Variants in HHLA2 observed in about 807,000 individuals in gnomAD.
HHLA2 encodes the protein HERV-H LTR-associating protein 2.
HHLA2 carries 48 observed loss-of-function variants against 45.9 expected under a neutral mutation model. The observed-to-expected ratio is 1.05, with a 90% CI of 0.83 to 1.33. The LOEUF (loss-of-function observed/expected upper bound fraction) is 1.33. HHLA2 is among the 40% of genes most tolerant of loss of function. HHLA2 has a pLI of 0.00. For synonymous variants in HHLA2, 161 were observed against 173.9 expected (o/e 0.93, Z 0.59); for missense variants, 462 against 494.3 (o/e 0.93, Z 0.62).
intron 1 of HHLA2, among the ~76,000 whole-genome samples, chr3:108,310,218 AAATT>A (rs1391544376): frequency 1.3e-5 from 2 of 152,182 alleles, no homozygotes; most frequent in African/African-American, 4.8e-5. Flanking sequence ...AAATTAGGCT[AAATT>A]AATAAAAGAT....
intron 2 of HHLA2, chr3:108,311,942 T>A (rs2081025452): frequency 6.6e-6 from 1 of 152,282 alleles, no homozygotes; most frequent in African/African-American, 2.4e-5. Flanking sequence ...TTCCTCACTC[T>A]GCTATGTGCC....
rs148660408 is a variant in HHLA2, at chr3:108,349,220, A to AG, written c.-26-2568_-26-2567insG. Among the ~76,000 whole-genome samples, 314 of 151,712 alleles carry AG rather than the reference A, an allele frequency of 2.1e-3. 1 individual carries two copies. Among genetic ancestry groups the AG allele is most frequent in the Non-Finnish European group, 3.8e-3 (255 of 67,900 alleles). ...CAAGAGCTGTTTTTTTTAAAAAAAA[A>AG]AATCAACAAAATAGATAGACCACTA... On this transcript the variant is annotated intron_variant, in intron 3 of 10. Transcript: ENST00000619531.
At chr3:108,362,346 G>A (rs267599526) in exon 8 of HHLA2, 1,706 of 1,602,294 alleles carry the variant, frequency 1.1e-3, no homozygotes, top group South Asian at 1.4e-3. Context: ...TTTTAGAACC[G>A]AGCCAAGAAA....
intron 1 of HHLA2, among the ~76,000 whole-genome samples, chr3:108,304,510 T>G (rs1228826539): frequency 2.0e-5 from 3 of 152,174 alleles, no homozygotes; most frequent in Non-Finnish European, 4.4e-5. Flanking sequence ...CACAGCCTAA[T>G]CCAGTATGAT....
chr3:108,355,155 A>C (rs2081861933), exon 6 of HHLA2: 1 of 1,613,454 alleles, frequency 6.2e-7, no homozygotes, highest in Non-Finnish European at 8.5e-7. Context: ...AGAGGAACAC[A>C]AACAGCTTCT....
At chr3:108,360,649 C>T (rs775639247) in intron 7 of HHLA2, among the ~76,000 whole-genome samples, 6 of 152,136 alleles carry the variant, frequency 3.9e-5, no homozygotes, top group South Asian at 2.1e-4. Context: ...GGACAAAGGG[C>T]GCAGTCACGT....
At chr3:108,329,636 G>T (rs1301090687) in intron 3 of HHLA2, among the ~76,000 whole-genome samples, 1 of 152,096 alleles carries the variant, frequency 6.6e-6, no homozygotes. Context: ...AACTGACTGG[G>T]TCCGGTCCAG....
intron 3 of HHLA2, among the ~76,000 whole-genome samples, chr3:108,351,295 T>C (rs1423042459): frequency 7.2e-5 from 11 of 152,240 alleles, no homozygotes; most frequent in Admixed American, 3.9e-4. Context: ...AATAACATCA[T>C]AGTTTACACC....
chr3:108,357,294 C>T (rs1241664190), intron 6 of HHLA2, among the ~76,000 whole-genome samples: 1 of 152,100 alleles, frequency 6.6e-6, no homozygotes, highest in Admixed American at 6.6e-5. Context: ...GAGGGGCAAG[C>T]CAAGAAAATT....
chr3:108,368,267 A>C (rs944415901), intron 8 of HHLA2, among the ~76,000 whole-genome samples: 4 of 152,040 alleles, frequency 2.6e-5, no homozygotes, highest in African/African-American at 9.7e-5. Context: ...CCATAATATA[A>C]AGACCAACAA....
chr3:108,315,049 C>G (rs1033304575), intron 2 of HHLA2, among the ~76,000 whole-genome samples: 2 of 152,198 alleles, frequency 1.3e-5, no homozygotes, highest in African/African-American at 4.8e-5. Context: ...AGAACAAACA[C>G]CCTTATTTTC....
chr3:108,305,333 GAGT>G (rs1351524888), intron 1 of HHLA2, among the ~76,000 whole-genome samples: 1 of 152,130 alleles, frequency 6.6e-6, no homozygotes, highest in Non-Finnish European at 1.5e-5. Context: ...ACTGCTTCAC[GAGT>G]AGTCAGAAAG....
chr3:108,339,239 C>A (rs909342248), intron 3 of HHLA2, among the ~76,000 whole-genome samples: 1 of 152,128 alleles, frequency 6.6e-6, no homozygotes, highest in South Asian at 2.1e-4. Flanking sequence ...ATAAGACTCA[C>A]AAAAAGGTCA....
chr3:108,320,993 C>A (rs1015036374), intron 2 of HHLA2, among the ~76,000 whole-genome samples: 1 of 150,240 alleles, frequency 6.7e-6, no homozygotes, highest in Non-Finnish European at 1.5e-5. Flanking sequence ...ATTTAGGCAG[C>A]AGGACCTGGA....
intron 2 of HHLA2, among the ~76,000 whole-genome samples, chr3:108,327,711 A>G (rs906157419): frequency 6.6e-6 from 1 of 152,220 alleles, no homozygotes; most frequent in African/African-American, 2.4e-5. Flanking sequence ...CAAAAAAAGT[A>G]TGGTTAAATT....
intron 1 of HHLA2, among the ~76,000 whole-genome samples, chr3:108,308,570 G>A (rs2080967843): frequency 6.6e-6 from 1 of 152,084 alleles, no homozygotes; most frequent in African/African-American, 2.4e-5. Flanking sequence ...TCAATTTTTA[G>A]TTTTTTAGGA....
chr3:108,344,193 A>AT (rs5851588), intron 3 of HHLA2, among the ~76,000 whole-genome samples: 91,985 of 150,626 alleles, frequency 0.61, 28,651 homozygotes, highest in Non-Finnish European at 0.68. Context: ...CCACTGTTTG[A>AT]TTTTTTTTTT....
intron 3 of HHLA2, among the ~76,000 whole-genome samples, chr3:108,348,620 A>G (rs1403579972): frequency 6.6e-6 from 1 of 151,434 alleles, no homozygotes; most frequent in Non-Finnish European, 1.5e-5. Flanking sequence ...ATGTAGTAGA[A>G]AGGAAATATG....
rs55718572 is a variant in HHLA2, at chr3:108,368,535, C to CAAAAAAAAAAAAAAAAA, written c.1108+6108_1108+6124dup. Among the ~76,000 whole-genome samples the CAAAAAAAAAAAAAAAAA allele has an allele frequency of 9.1e-4, 6 of 6,622 alleles. 2 individuals are homozygous for CAAAAAAAAAAAAAAAAA. In the East Asian group the frequency reaches 0.045, roughly 50 times the overall value. 4.3% of individuals were successfully genotyped at this position (6,622 alleles called of 152,430 possible). A position where few individuals can be genotyped will look rare whatever the true frequency, so the allele number is the denominator to read the frequency against. On this transcript the variant is annotated intron_variant, in intron 8 of 10. Coordinates refer to ENST00000619531, the Ensembl canonical transcript of HHLA2. ...GAATATTTACCAAGCAAACGAAGAG[C>CAAAAAAAAAAAAAAAAA]AAAAAAAAAAAAAAAAAAAAAAAAA...
Sources: gnomAD v4.1 joint callset for allele counts (sites outside exome capture counted in the v4.1 genomes callset) on GRCh38, gnomAD v4.1.1 for gene constraint, MANE v1.5 for transcripts, NCBI Gene and HGNC (gene_info 2026-07-23, HGNC 2026-07-21) for gene names.